SAMD12: variants seen among roughly 807,000 people sequenced by gnomAD.
SAMD12 encodes the protein sterile alpha motif domain containing 12.
A neutral mutation model predicts 15.0 loss-of-function variants in SAMD12; 9 were observed. That is an observed-to-expected ratio of 0.60 (90% CI 0.36 to 1.05). SAMD12 has a LOEUF of 1.05. Ranked by LOEUF, SAMD12 falls within the 50% of genes least tolerant of loss-of-function variation. The pLI is 0.01. For synonymous variants in SAMD12, 86 were observed against 90.1 expected (o/e 0.96, Z 0.25); for missense variants, 230 against 234.2 (o/e 0.98, Z 0.12).
rs1040301106 is a variant in SAMD12, at chr8:118,404,944, G to A, written c.323-25244C>T. ...CCCAAAGTGTTGGGGCTACAGGCATGAACCACCATGCCCAGCCTACTAATG... is the reference window on the plus strand; with the variant it reads ...CCCAAAGTGTTGGGGCTACAGGCATAAACCACCATGCCCAGCCTACTAATG... On this transcript the variant is annotated intron_variant, in intron 3 of 3. Transcript: ENST00000314727. Among the ~76,000 whole-genome samples the A allele has an allele frequency of 3.4e-4, 52 of 152,114 alleles. 1 individual carries two copies. The highest frequency in any genetic ancestry group is 2.9e-5 in the Non-Finnish European group (2 of 68,028).
At chr8:118,438,946 C>G (rs1586717512) in intron 3 of SAMD12, among the ~76,000 whole-genome samples, 1 of 152,150 alleles carries the variant, frequency 6.6e-6, no homozygotes. Flanking sequence ...TTTCACTGCA[C>G]TGTTTGTGCA....
chr8:118,518,851 ATC>A (rs1439789965), intron 2 of SAMD12, among the ~76,000 whole-genome samples: 1 of 152,204 alleles, frequency 6.6e-6, no homozygotes, highest in African/African-American at 2.4e-5. Context: ...TGTCTTCTTT[ATC>A]TCAATTTCCC....
At chr8:118,304,313 AAC>A (rs1261398375) in intron 4 of SAMD12, among the ~76,000 whole-genome samples, 1 of 152,182 alleles carries the variant, frequency 6.6e-6, no homozygotes, top group African/African-American at 2.4e-5. Context: ...AATTTTTAGA[AAC>A]AGAGATGGGT....
intron 2 of SAMD12, among the ~76,000 whole-genome samples, chr8:118,510,579 A>C (rs999951085): frequency 1.3e-5 from 2 of 152,174 alleles, no homozygotes; most frequent in African/African-American, 4.8e-5. Context: ...ATCATCAATC[A>C]AGTGAAGGCA....
intron 2 of SAMD12, among the ~76,000 whole-genome samples, chr8:118,556,075 C>T (rs1826521357): frequency 6.6e-6 from 1 of 152,174 alleles, no homozygotes; most frequent in African/African-American, 2.4e-5. Flanking sequence ...GGGCAAAATA[C>T]TTATGGACAG....
intron 2 of SAMD12, among the ~76,000 whole-genome samples, chr8:118,561,496 A>G (rs1406034448): frequency 6.6e-6 from 1 of 152,258 alleles, no homozygotes; most frequent in Middle Eastern, 3.2e-3. Context: ...ACAATTCAGC[A>G]TGGCTGGGGA....
chr8:118,141,876 G>C, the SAMD12 span, among the ~76,000 whole-genome samples: 885 of 152,262 alleles, frequency 5.8e-3, 10 homozygotes, highest in Non-Finnish European at 6.2e-3. Flanking sequence ...GAAGGGCTAG[G>C]GTCCCACCTT....
intron 4 of SAMD12, chr8:118,240,057 T>C (rs1268620976): frequency 6.6e-6 from 1 of 152,194 alleles, no homozygotes; most frequent in Non-Finnish European, 1.5e-5. Context: ...CACTAGCTCA[T>C]AGGTTATCTC....
chr8:118,157,998 A>G, the SAMD12 span, among the ~76,000 whole-genome samples: 6 of 152,162 alleles, frequency 3.9e-5, no homozygotes, highest in South Asian at 2.1e-4. Context: ...GAGGGAAGTC[A>G]GGTGGATCCC....
exon 5 of SAMD12, chr8:118,192,958 A>G (rs890968127): frequency 5.9e-5 from 9 of 152,128 alleles, no homozygotes; most frequent in African/African-American, 2.2e-4. Context: ...CAGTTTTATG[A>G]TATCTTTGGC....
chr8:118,142,458 T>A, the SAMD12 span, among the ~76,000 whole-genome samples: 1 of 152,212 alleles, frequency 6.6e-6, no homozygotes, highest in African/African-American at 2.4e-5. Flanking sequence ...TGTCCATCCC[T>A]ACCAAGTTCA....
At chr8:118,393,067 C>T (rs1820368460) in intron 3 of SAMD12, among the ~76,000 whole-genome samples, 1 of 152,158 alleles carries the variant, frequency 6.6e-6, no homozygotes, top group Non-Finnish European at 1.5e-5. Flanking sequence ...GGAAAAATCA[C>T]CCACTATATG....
At chr8:118,369,282 A>G (rs990733592) in intron 4 of SAMD12, among the ~76,000 whole-genome samples, 1 of 152,338 alleles carries the variant, frequency 6.6e-6, no homozygotes, top group South Asian at 2.1e-4. Flanking sequence ...ATCTTTGACA[A>G]ACCTGACAAA....
At chr8:118,238,584 T>G (rs1244149481) in intron 4 of SAMD12, among the ~76,000 whole-genome samples, 1 of 152,096 alleles carries the variant, frequency 6.6e-6, no homozygotes, top group East Asian at 1.9e-4. Flanking sequence ...TTGGAATGAG[T>G]AGTGAAGCTA....
chr8:118,482,508 T>C (rs895380899), intron 2 of SAMD12, among the ~76,000 whole-genome samples: 5 of 152,176 alleles, frequency 3.3e-5, no homozygotes, highest in Admixed American at 3.3e-4. Context: ...TACAGACTTT[T>C]CCCCCTTATT....
At chr8:118,591,188 C>A (rs1336274395) in intron 1 of SAMD12, among the ~76,000 whole-genome samples, 2 of 151,620 alleles carry the variant, frequency 1.3e-5, no homozygotes, top group Admixed American at 6.6e-5. Flanking sequence ...CTCAAAAATA[C>A]AACAAAACAG....
intron 4 of SAMD12, among the ~76,000 whole-genome samples, chr8:118,336,198 A>G (rs1421427673): frequency 1.3e-5 from 2 of 152,242 alleles, no homozygotes; most frequent in Admixed American, 1.3e-4. Flanking sequence ...ACTCTAAAAC[A>G]ATACCAGGAG....
At chr8:118,140,788 A>G in the SAMD12 span, among the ~76,000 whole-genome samples, 4 of 152,340 alleles carry the variant, frequency 2.6e-5, no homozygotes, top group East Asian at 1.9e-4. Context: ...CTTGTAGGCC[A>G]TGATAATTAA....
At chr8:118,513,871 C>T in intron 2 of SAMD12, among the ~76,000 whole-genome samples, 1 of 152,148 alleles carries the variant, frequency 6.6e-6, no homozygotes, top group African/African-American at 2.4e-5. Flanking sequence ...GGAATCATTG[C>T]TAACCAAAAA....
Sources: allele counts gnomAD v4.1 joint callset (sites outside exome capture counted in the v4.1 genomes callset), GRCh38; gene constraint gnomAD v4.1.1; transcripts MANE v1.5; gene names NCBI Gene and HGNC (gene_info 2026-07-23, HGNC 2026-07-21).